PEX13: variants seen among roughly 807,000 people sequenced by gnomAD.
The protein encoded by PEX13 is peroxisome biogenesis factor 13.
Under a neutral mutation model 34.5 loss-of-function variants are expected in PEX13, and 28 were observed. That is an observed-to-expected ratio of 0.81 (90% CI 0.60 to 1.11). PEX13 has a LOEUF of 1.11. Among genes scored for constraint, PEX13 ranks in the 50% most tolerant of loss-of-function variants. The probability of loss-of-function intolerance (pLI) is 0.00; values close to 1 mark genes in which losing one functional copy is unlikely to be tolerated. For missense variants in PEX13, 550 were observed against 491.0 expected, an observed-to-expected ratio of 1.12 and a Z score of -1.13; for synonymous variants, 177 against 175.1, an observed-to-expected ratio of 1.01 and a Z score of -0.09.
At position 61,026,410 on chromosome 2, in the gene PEX13, T is replaced by TCTCG. The variant is rs1229674732; in HGVS notation, c.93-5008_93-5005dup. Among the ~76,000 whole-genome samples the TCTCG allele has an allele frequency of 4.7e-5, 7 of 148,074 alleles. No homozygotes were observed. The East Asian group carries it at 1.4e-3, about 30-fold the overall frequency. On this transcript the variant is annotated intron_variant, in intron 1 of 3. Transcript: ENST00000295030. The stretch of plus-strand genomic sequence containing the variant: ...CCCAGGCCGGAGTGCAGTGGTGCTA[T>TCTCG]CTCGGCTCACCTCAACCTCTGTCCG...
At position 61,049,196 on chromosome 2, in the gene PEX13, A is replaced by C. The variant is rs2104815075; in HGVS notation, c.*426A>C. 1 of 162,868 alleles carries C rather than the reference A, an allele frequency of 6.1e-6. No individual in the cohort carries two copies. The highest frequency in any genetic ancestry group is 1.3e-5 in the Non-Finnish European group (1 of 74,100). 10.1% of individuals were successfully genotyped at this position (162,868 alleles called of 1,614,324 possible). On this transcript the variant is annotated 3_prime_UTR_variant, in exon 4 of 4. Transcript: ENST00000295030. ...TCAGTATGAGAACAGGCAAAAGGTA[A>C]ATTTTTTTTTTTTTTTACAACCTTA...
Position 61,017,726 on chromosome 2 carries a change from G to T in PEX13, c.-34G>T. The T allele has an allele frequency of 6.5e-7, 1 of 1,529,738 alleles. No individual in the cohort carries two copies. The highest frequency in any genetic ancestry group is 1.2e-5 in the South Asian group (1 of 83,442). 94.8% of individuals were successfully genotyped at this position (1,529,738 alleles called of 1,614,324 possible). A position where few individuals can be genotyped will look rare whatever the true frequency, so the allele number is the denominator to read the frequency against. On this transcript the variant is annotated 5_prime_UTR_variant, in exon 1 of 4. Transcript: ENST00000295030. ...GGTCTACGCGGGCCTGGACAGTCAG[G>T]GGTAGGAGCGGGAGCCGAGAGGAGG... is the stretch of plus-strand genomic sequence containing the variant.
chr2:61,043,524 T>C (rs1266574444), intron 2 of PEX13, among the ~76,000 whole-genome samples: 1 of 152,146 alleles, frequency 6.6e-6, no homozygotes. Flanking sequence ...TCTGCTAAGA[T>C]GTGTTGCACC....
At chr2:61,041,083 T>TGCAGATCGCTTAAGCCTG (rs1307045951) in intron 2 of PEX13, among the ~76,000 whole-genome samples, 1 of 152,060 alleles carries the variant, frequency 6.6e-6, no homozygotes, top group Admixed American at 6.6e-5. Flanking sequence ...GGATGAGGCC[T>TGCAGATCGCTTAAGCCTG]GCAGATCGCT....
intron 2 of PEX13, among the ~76,000 whole-genome samples, chr2:61,042,514 G>C (rs1252115614): frequency 1.3e-5 from 2 of 152,052 alleles, no homozygotes; most frequent in Admixed American, 1.3e-4. Flanking sequence ...AAAAAAAACT[G>C]TATTTATTAT....
chr2:61,019,205 T>A (rs912268056), intron 1 of PEX13: 1 of 152,012 alleles, frequency 6.6e-6, no homozygotes. Flanking sequence ...AACAATAATA[T>A]ATATTTTATA....
At chr2:61,027,381 C>T (rs913258076) in intron 1 of PEX13, among the ~76,000 whole-genome samples, 1 of 151,240 alleles carries the variant, frequency 6.6e-6, no homozygotes, top group Non-Finnish European at 1.5e-5. Flanking sequence ...ACAAAAACAG[C>T]GAGTTAGATT....
At chr2:61,027,278 G>T (rs755179938) in intron 1 of PEX13, among the ~76,000 whole-genome samples, 2 of 150,452 alleles carry the variant, frequency 1.3e-5, no homozygotes, top group African/African-American at 2.4e-5. Flanking sequence ...GTTTGAGGTT[G>T]CAGTGAGCCG....
At chr2:61,032,851 A>T (rs1254366296) in intron 2 of PEX13, among the ~76,000 whole-genome samples, 1 of 152,234 alleles carries the variant, frequency 6.6e-6, no homozygotes, top group Non-Finnish European at 1.5e-5. Flanking sequence ...TCAAGCTGAT[A>T]GACCAGCTTG....
At chr2:61,024,581 G>A (rs758640665) in intron 1 of PEX13, among the ~76,000 whole-genome samples, 20 of 152,156 alleles carry the variant, frequency 1.3e-4, no homozygotes, top group African/African-American at 3.9e-4. Context: ...AGGCCGAGGC[G>A]CGTGGATCAC....
intron 1 of PEX13, among the ~76,000 whole-genome samples, chr2:61,024,856 A>G (rs748744363): frequency 5.3e-5 from 8 of 152,082 alleles, no homozygotes; most frequent in African/African-American, 9.7e-5. Flanking sequence ...TCATAATTTC[A>G]GGTTTGGTTT....
chr2:61,046,141 G>A (rs998848468), intron 3 of PEX13, among the ~76,000 whole-genome samples: 15 of 152,142 alleles, frequency 9.9e-5, no homozygotes, highest in Admixed American at 3.3e-4. Context: ...ACACAAAAAC[G>A]TGATGTCAGT....
intron 1 of PEX13, among the ~76,000 whole-genome samples, chr2:61,022,935 A>G (rs930722825): frequency 3.3e-5 from 5 of 151,650 alleles, no homozygotes; most frequent in Admixed American, 2.6e-4. Flanking sequence ...GTGAAATTGA[A>G]TTTTTTTTCT....
At chr2:61,047,105 G>GA (rs531459837) in intron 3 of PEX13, among the ~76,000 whole-genome samples, 427 of 143,152 alleles carry the variant, frequency 3.0e-3, no homozygotes, top group South Asian at 8.5e-3. Flanking sequence ...CTTGTCTCAA[G>GA]AAAAAAAAAA....
At position 61,048,667 on chromosome 2, in the gene PEX13, T is replaced by C; in HGVS notation, c.1109T>C (p.Leu370Ser). The C allele has an allele frequency of 6.2e-7, 1 of 1,614,084 alleles. No individual in the cohort carries two copies. Among genetic ancestry groups the C allele is most frequent in the Non-Finnish European group, 8.5e-7 (1 of 1,179,922 alleles). ...AAAGGAGCCACGGTTGCTGATTCTTTGGATGAACAGGAAGCTGCCTTTGAA... is the reference window on the plus strand; with the variant it reads ...AAAGGAGCCACGGTTGCTGATTCTTCGGATGAACAGGAAGCTGCCTTTGAA... ...LTKGATVADS[L>S]DEQEAAFESV... The change falls in exon 4 of 4, where the codon TTG becomes TCG. Residue 370 changes from leucine to serine, a missense_variant. By Grantham distance (145) the Leu-to-Ser change is moderately radical. Coordinates refer to ENST00000295030, the MANE Select transcript of PEX13 (RefSeq NM_002618.4).
rs753252604 is a variant in PEX13, at chr2:61,018,264, G to A, written c.92+413G>A. The A allele has an allele frequency of 2.6e-6, 4 of 1,550,994 alleles. No homozygotes were observed. The South Asian group carries it at 4.8e-5, about 18-fold the overall frequency. Reference sequence around the variant, plus strand: ...CAGGGAGCAAAGTCTCTCCTTAAAGGTGTTAACCTCTCGAGAAGTTGCTGA... The same window carrying A: ...CAGGGAGCAAAGTCTCTCCTTAAAGATGTTAACCTCTCGAGAAGTTGCTGA... On this transcript the variant is annotated intron_variant, in intron 1 of 3. Coordinates refer to ENST00000295030, the MANE Select transcript of PEX13 (RefSeq NM_002618.4).
At chr2:61,025,076 T>G (rs1275024496) in intron 1 of PEX13, among the ~76,000 whole-genome samples, 1 of 152,006 alleles carries the variant, frequency 6.6e-6, no homozygotes, top group Non-Finnish European at 1.5e-5. Flanking sequence ...TTTTGTTTGT[T>G]TGTTTTGTTT....
chr2:61,031,483 C>T lies in PEX13; in HGVS notation c.157C>T (p.Pro53Ser). Residue 53 changes from proline to serine, a missense_variant, in exon 2 of 4, where the codon CCA (proline) becomes TCA (serine). Coordinates refer to ENST00000295030, the MANE Select transcript of PEX13 (RefSeq NM_002618.4). ...ACAACCAGCACTTACCAGAGTGCCC[C>T]CACCTATTCTTCCAAGGCCATCACA... The part of the protein sequence containing the change: ...PGQPALTRVP[P>S]PILPRPSQQT... 1 of 1,614,130 alleles carries T rather than the reference C, an allele frequency of 6.2e-7. No homozygotes were observed.
rs1680451793 is a variant in PEX13 at position 61,031,640 on chromosome 2, A to G, written c.314A>G (p.Tyr105Cys). 5.6e-6 allele frequency: 9 copies of G among 1,614,182 alleles called. No homozygotes were observed. The highest frequency in any genetic ancestry group is 6.8e-6 in the Non-Finnish European group (8 of 1,180,012). The change falls in exon 2 of 4, where the codon TAC becomes TGC. Residue 105 changes from tyrosine to cysteine, a missense_variant. Physicochemically the swap from Tyr to Cys is radical, Grantham distance 194 (BLOSUM62 -2). Transcript: ENST00000295030. ...PYSYGYNGLG[Y>C]NRLRVDDLPP... is the part of the protein sequence containing the mutation. Reference sequence around the variant, plus strand: ...AGTTATGGATATAATGGGCTGGGCTACAACCGCCTCCGTGTAGATGATCTT... The same window carrying G: ...AGTTATGGATATAATGGGCTGGGCTGCAACCGCCTCCGTGTAGATGATCTT...
Sources: gnomAD v4.1 joint callset for allele counts (sites outside exome capture counted in the v4.1 genomes callset) on GRCh38, gnomAD v4.1.1 for gene constraint, MANE v1.5 for transcripts, NCBI Gene and HGNC (gene_info 2026-07-23, HGNC 2026-07-21) for gene names.